Variants in AASDH observed in about 807,000 individuals in gnomAD.
The protein encoded by AASDH is beta-alanine-activating enzyme.
AASDH carries 81 observed loss-of-function variants against 102.3 expected under a neutral mutation model. That is an observed-to-expected ratio of 0.79 (90% CI 0.66 to 0.95). AASDH has a LOEUF of 0.95. AASDH is among the 40% of genes least tolerant of loss of function. AASDH has a pLI of 0.00. For synonymous variants in AASDH, 398 were observed against 454.0 expected, an observed-to-expected ratio of 0.88 and a Z score of 1.57; for missense variants, 1,203 against 1,266.2, an observed-to-expected ratio of 0.95 and a Z score of 0.76.
At chr4:56,350,309 G>C (rs1368114603) in intron 10 of AASDH, among the ~76,000 whole-genome samples, 1 of 152,076 alleles carries the variant, frequency 6.6e-6, no homozygotes, top group African/African-American at 2.4e-5. Flanking sequence ...ACGAAAATTA[G>C]CTGGGTGCGG....
chr4:56,367,209 A>C (rs1217797402), intron 5 of AASDH, among the ~76,000 whole-genome samples: 1 of 152,040 alleles, frequency 6.6e-6, no homozygotes, highest in East Asian at 1.9e-4. Context: ...TGCTCAATGA[A>C]ATAAAAGAGG....
chr4:56,343,718 T>C (rs751706405), intron 12 of AASDH, 34 bp from the exon 13 acceptor site: 2 of 1,586,702 alleles, frequency 1.3e-6, no homozygotes, highest in South Asian at 2.3e-5. Flanking sequence ...TTTGTTCTTG[T>C]TGATGGTTAA....
intron 5 of AASDH, among the ~76,000 whole-genome samples, chr4:56,368,682 A>G (rs1422099443): frequency 7.4e-6 from 1 of 134,678 alleles, no homozygotes; most frequent in African/African-American, 2.8e-5. Flanking sequence ...GAACACATGG[A>G]CACAGGAAGG....
rs1481363041 is a variant in AASDH at position 56,354,697 on chromosome 4, A to G, written c.1210+8T>C. The G allele has an allele frequency of 6.3e-7, 1 of 1,585,330 alleles. No homozygotes were observed. Among genetic ancestry groups the G allele is most frequent in the Non-Finnish European group, 8.6e-7 (1 of 1,167,844 alleles). ...AAAAAAATTCCCAATCAACAAATAT[A>G]AAACAACCTAAAAATACTTGGCCAC... On this transcript the variant is annotated splice_region_variant and intron_variant, in intron 7 of 14. Coordinates refer to ENST00000205214, the MANE Select transcript of AASDH (RefSeq NM_181806.4).
chr4:56,387,037 T>C (rs530965303), intron 1 of AASDH, among the ~76,000 whole-genome samples: 2 of 152,294 alleles, frequency 1.3e-5, no homozygotes, highest in South Asian at 4.1e-4. Context: ...CTTCTAAATT[T>C]ACGGTATGCA....
chr4:56,341,389 C>CTGTTTTTTTT (rs1747660180), intron 14 of AASDH, among the ~76,000 whole-genome samples: 1 of 92,416 alleles, frequency 1.1e-5, no homozygotes, highest in Non-Finnish European at 2.0e-5. Context: ...AGACTTTTAT[C>CTGTTTTTTTT]TTTTTTTTTT....
chr4:56,369,677 A>G (rs1184429445), intron 5 of AASDH, among the ~76,000 whole-genome samples: 2 of 152,188 alleles, frequency 1.3e-5, no homozygotes, highest in Non-Finnish European at 2.9e-5. Context: ...CTGAAATCCC[A>G]GGACTTTGGG....
chr4:56,356,314 C>G (rs150389144), intron 5 of AASDH: 2 of 1,381,906 alleles, frequency 1.4e-6, no homozygotes, highest in East Asian at 4.6e-5. Context: ...CCTGCTCTAT[C>G]AGGTTGCAGC....
intron 14 of AASDH, among the ~76,000 whole-genome samples, chr4:56,342,020 G>A (rs576013375): frequency 1.3e-5 from 2 of 149,700 alleles, no homozygotes; most frequent in East Asian, 2.1e-4. Flanking sequence ...GCTGAAGCAG[G>A]AGAATTGCTT....
chr4:56,381,800 A>C (rs1753002514), intron 3 of AASDH: 1 of 152,176 alleles, frequency 6.6e-6, no homozygotes, highest in Admixed American at 6.5e-5. Context: ...CCTTTAGTAA[A>C]ACAATATTTT....
intron 5 of AASDH, among the ~76,000 whole-genome samples, chr4:56,361,322 T>A (rs1358822423): frequency 6.6e-6 from 1 of 151,950 alleles, no homozygotes; most frequent in Non-Finnish European, 1.5e-5. Flanking sequence ...GGCATGAGAA[T>A]CACTTGAACC....
intron 5 of AASDH, among the ~76,000 whole-genome samples, chr4:56,360,175 C>T (rs1367922530): frequency 6.6e-6 from 1 of 152,124 alleles, no homozygotes; most frequent in African/African-American, 2.4e-5. Flanking sequence ...TTTCTATGGG[C>T]CCTTTTCTGT....
intron 4 of AASDH, among the ~76,000 whole-genome samples, chr4:56,375,920 A>C (rs1439891757): frequency 6.6e-6 from 1 of 151,932 alleles, no homozygotes; most frequent in Non-Finnish European, 1.5e-5. Flanking sequence ...CCTCCCATCT[A>C]AATGTATCTT....
At chr4:56,343,766 G>C (rs1435007329) in intron 12 of AASDH, 82 bp from the exon 13 acceptor site, 2 of 1,337,744 alleles carry the variant, frequency 1.5e-6, no homozygotes, top group Non-Finnish European at 2.0e-6. Flanking sequence ...TATTATGTCT[G>C]TTTAGTTAAT....
chr4:56,340,528 G>A (rs1412567175), intron 14 of AASDH, among the ~76,000 whole-genome samples: 2 of 152,022 alleles, frequency 1.3e-5, no homozygotes, highest in African/African-American at 2.4e-5. Context: ...AAATAAACTC[G>A]AGATGGATTA....
intron 10 of AASDH, 38 bp from the exon 11 acceptor site, chr4:56,350,096 G>A (rs749841966): frequency 6.8e-7 from 1 of 1,476,952 alleles, no homozygotes; most frequent in Admixed American, 2.3e-5. Context: ...TGACGTAAAG[G>A]TCTAAAAGCA....
Position 56,350,411 on chromosome 4 carries a change from G to A in AASDH, c.1693-353C>T, listed in dbSNP as rs539994943. Among the ~76,000 whole-genome samples the A allele has an allele frequency of 2.2e-4, 33 of 152,032 alleles. No homozygotes were observed. In the East Asian group the frequency reaches 4.8e-3, roughly 22 times the overall value. ...GGAGGTTGCAGTGAGCCAAGATTGC[G>A]CCACTGCACTCCCGCCTGGGCAACA... On this transcript the variant is annotated intron_variant, in intron 10 of 14. Coordinates refer to ENST00000205214, the MANE Select transcript of AASDH (RefSeq NM_181806.4).
chr4:56,364,037 C>G (rs1750672713), intron 5 of AASDH, among the ~76,000 whole-genome samples: 1 of 151,944 alleles, frequency 6.6e-6, no homozygotes, highest in Admixed American at 6.6e-5. Context: ...AGGATCTGAG[C>G]TGAAAACCAT....
At chr4:56,372,950 G>GA (rs1360748435) in intron 4 of AASDH, among the ~76,000 whole-genome samples, 1 of 152,156 alleles carries the variant, frequency 6.6e-6, no homozygotes, top group African/African-American at 2.4e-5. Context: ...AACTGAGTGG[G>GA]AAAATCCAGC....
Sources: allele counts gnomAD v4.1 joint callset (sites outside exome capture counted in the v4.1 genomes callset), GRCh38; gene constraint gnomAD v4.1.1; transcripts MANE v1.5; gene names NCBI Gene and HGNC (gene_info 2026-07-23, HGNC 2026-07-21).